PRRC2C: variants seen among roughly 807,000 people sequenced by gnomAD.
PRRC2C encodes the protein proline rich coiled-coil 2C.
A neutral mutation model predicts 317.2 loss-of-function variants in PRRC2C; 72 were observed. That is an observed-to-expected ratio of 0.23 (90% CI 0.19 to 0.28). PRRC2C has a LOEUF of 0.28. PRRC2C is among the 10% of genes least tolerant of loss of function. The pLI is 1.00. For missense variants in PRRC2C, 3,074 were observed against 3,459.7 expected, an observed-to-expected ratio of 0.89 and a Z score of 2.80; for synonymous variants, 1,296 against 1,205.9, an observed-to-expected ratio of 1.07 and a Z score of -1.55.
intron 20 of PRRC2C, among the ~76,000 whole-genome samples, chr1:171,562,187 GATTCC>G (rs1404083705): frequency 1.3e-5 from 2 of 152,216 alleles, no homozygotes; most frequent in African/African-American, 4.8e-5. Context: ...GAGGAAAAGA[GATTCC>G]AGGTTCAGAT....
Position 171,577,594 on chromosome 1 carries a change from G to A in PRRC2C, c.7116G>A (p.Gln2372=), listed in dbSNP as rs1222707658. 3.1e-6 allele frequency: 5 copies of A among 1,613,742 alleles called. No individual in the cohort carries two copies. Among genetic ancestry groups the A allele is most frequent in the Non-Finnish European group, 4.2e-6 (5 of 1,179,816 alleles). ...GCTGTATGCCTTCCCTTATTGCCCA[G>A]CAGCAACAGAATCCGCAAGTTTATG... is the stretch of plus-strand genomic sequence containing the variant. The part of the protein sequence containing the change: ...QLSCMPSLIA[Q]QQQNPQVYVS... Residue 2372 remains glutamine (Q), a synonymous_variant, in exon 26 of 35, where the codon CAG becomes CAA. Coordinates refer to ENST00000647382, the MANE Select transcript of PRRC2C (RefSeq NM_001387844.1).
At chr1:171,528,256 T>G (rs1675041397) in intron 11 of PRRC2C, among the ~76,000 whole-genome samples, 1 of 151,918 alleles carries the variant, frequency 6.6e-6, no homozygotes, top group African/African-American at 2.4e-5. Flanking sequence ...TTGCAGTGTC[T>G]ACCCTATTTC....
At chr1:171,589,645 C>G (rs1650906655) in intron 34 of PRRC2C, 40 bp downstream of exon 34, 1 of 1,234,872 alleles carries the variant, frequency 8.1e-7, no homozygotes, top group Non-Finnish European at 1.1e-6. Flanking sequence ...AAGAATCTGT[C>G]TCTGAACCAT....
intron 18 of PRRC2C, among the ~76,000 whole-genome samples, chr1:171,554,740 T>G (rs1488714031): frequency 2.0e-5 from 3 of 152,248 alleles, no homozygotes; most frequent in Non-Finnish European, 2.9e-5. Context: ...TGGCTGCATA[T>G]GAAATTCTGG....
At chr1:171,524,793 T>G in intron 9 of PRRC2C, 28 bp from the exon 10 acceptor site, 3 of 1,527,050 alleles carry the variant, frequency 2.0e-6, no homozygotes, top group Non-Finnish European at 2.6e-6. Flanking sequence ...TTGGTCCACT[T>G]TATTTCTTCT....
At chr1:171,528,379 C>T (rs1018414645) in intron 11 of PRRC2C, among the ~76,000 whole-genome samples, 3 of 151,674 alleles carry the variant, frequency 2.0e-5, no homozygotes, top group African/African-American at 7.3e-5. Flanking sequence ...ACCTCTGCCT[C>T]CTGGGTTCAC....
At chr1:171,494,107 T>A (rs757533783) in intron 1 of PRRC2C, among the ~76,000 whole-genome samples, 7 of 152,340 alleles carry the variant, frequency 4.6e-5, no homozygotes, top group Non-Finnish European at 8.8e-5. Context: ...TTAACAATTT[T>A]AAAATACATA....
intron 30 of PRRC2C, 59 bp downstream of exon 30, chr1:171,584,585 G>T: frequency 6.7e-7 from 1 of 1,489,550 alleles, no homozygotes; most frequent in Non-Finnish European, 9.0e-7. Flanking sequence ...TATTGCTTTT[G>T]TTATTGTTTG....
Position 171,537,555 on chromosome 1 carries a change from C to T in PRRC2C, c.2504+82C>T. The stretch of plus-strand genomic sequence containing the variant: ...TGTGTAGTGTTTCTGAAGATCATTC[C>T]AATTTAGGACTGAAGCATAAATCTG... On this transcript the variant is annotated intron_variant, in intron 15 of 34. Transcript: ENST00000647382. 6 of 1,193,544 alleles carry T rather than the reference C, an allele frequency of 5.0e-6. No homozygotes were observed. In the South Asian group the frequency reaches 8.8e-5, roughly 17 times the overall value. The allele number at this position is 1,193,544 out of a possible 1,614,324, so 73.9% of individuals were successfully genotyped here. A position where few individuals can be genotyped will look rare whatever the true frequency, so the allele number is the denominator to read the frequency against.
intron 3 of PRRC2C, chr1:171,513,512 G>A (rs1671759836): frequency 2.2e-6 from 1 of 458,198 alleles, no homozygotes; most frequent in Non-Finnish European, 4.3e-6. Context: ...TGATACTAAG[G>A]ATGTCTGTCT....
At chr1:171,548,878 CA>C (rs1208134060) in intron 17 of PRRC2C, among the ~76,000 whole-genome samples, 1 of 152,154 alleles carries the variant, frequency 6.6e-6, no homozygotes, top group Non-Finnish European at 1.5e-5. Flanking sequence ...TTTATTGAGA[CA>C]GGGTCTTGCT....
rs1558044868 is a variant in PRRC2C, at chr1:171,579,969, A to G, written c.7409+5A>G. ...CTCCTCACTTCAACCATATAGGTAA[A>G]TGCTTTAAAAGTTATGTTTGTAATG... On this transcript the variant is annotated splice_donor_5th_base_variant and intron_variant, in intron 28 of 34. Transcript: ENST00000647382. 6.6e-7 allele frequency: 1 copy of G among 1,512,780 alleles called. No homozygotes were observed. Among genetic ancestry groups the G allele is most frequent in the Non-Finnish European group, 8.8e-7 (1 of 1,133,760 alleles). The allele number at this position is 1,512,780 out of a possible 1,614,324, so 93.7% of individuals were successfully genotyped here.
At chr1:171,583,322 A>G (rs1039314341) in intron 28 of PRRC2C, among the ~76,000 whole-genome samples, 5 of 149,672 alleles carry the variant, frequency 3.3e-5, no homozygotes, top group African/African-American at 1.2e-4. Flanking sequence ...TTTTTTTTTA[A>G]CTTTTTAAAC....
Position 171,513,062 on chromosome 1 carries a change from T to G in PRRC2C, c.180T>G (p.Ala60=). The G allele has an allele frequency of 6.2e-7, 1 of 1,613,874 alleles. No homozygotes were observed. Among genetic ancestry groups the G allele is most frequent in the Non-Finnish European group, 8.5e-7 (1 of 1,179,804 alleles). ...VGISRRMPPP[A]NLPSLKAENK... ...TTTCACGGCGTATGCCTCCACCTGC[T>G]AACCTCCCAAGTCTTAAAGCAGAAA... is the stretch of plus-strand genomic sequence containing the variant. The change falls in exon 3 of 35, where the codon GCT becomes GCG. Residue 60 remains alanine, a synonymous_variant. Coordinates refer to ENST00000647382, the MANE Select transcript of PRRC2C (RefSeq NM_001387844.1).
rs778941374 is a variant in PRRC2C, at chr1:171,535,589, C to T, written c.2035C>T (p.Arg679Trp). The T allele has an allele frequency of 3.7e-6, 6 of 1,613,364 alleles. No individual in the cohort carries two copies. The highest frequency in any genetic ancestry group is 2.2e-5 in the South Asian group (2 of 90,956). Residue 679 changes from arginine to tryptophan, a missense_variant, in exon 13 of 35, where the codon CGG (arginine) becomes TGG (tryptophan). This residue lies in a region of PRRC2C where 1,320 missense variants were observed against 1,395.7 expected (regional missense o/e 0.95). Transcript: ENST00000647382. Reference protein sequence around the residue: ...FQKSLPPRFQRQQEQMKQQQW... With the variant: ...FQKSLPPRFQWQQEQMKQQQW... Reference sequence around the variant, plus strand: ...GAAGTCTTTACCTCCACGATTCCAGCGGCAGCAGGTAATGATAAAAATATT... The same window carrying T: ...GAAGTCTTTACCTCCACGATTCCAGTGGCAGCAGGTAATGATAAAAATATT...
intron 11 of PRRC2C, among the ~76,000 whole-genome samples, chr1:171,529,033 T>C (rs145884549): frequency 6.6e-5 from 10 of 152,106 alleles, no homozygotes; most frequent in African/African-American, 2.2e-4. Flanking sequence ...CTAGACAAGA[T>C]ACCACCTTGA....
chr1:171,560,548 A>C (rs1203092523), intron 19 of PRRC2C, among the ~76,000 whole-genome samples: 1 of 152,244 alleles, frequency 6.6e-6, no homozygotes, highest in Non-Finnish European at 1.5e-5. Flanking sequence ...AGCTTTCAGC[A>C]AACACCATCC....
Position 171,519,331 on chromosome 1 carries a change from ATAT to A in PRRC2C, c.750+1521_750+1523del, listed in dbSNP as rs1458010478. On this transcript the variant is annotated intron_variant, in intron 6 of 34. Transcript: ENST00000647382. Reference sequence around the variant, plus strand: ...AAAACTAATTCCTTGATATTCTCAAATATTATGTTAGTATTCCAGTAGTTGTCT... The same window carrying A: ...AAAACTAATTCCTTGATATTCTCAAATATGTTAGTATTCCAGTAGTTGTCT... Among the ~76,000 whole-genome samples the A allele has an allele frequency of 2.6e-5, 4 of 152,326 alleles. No individual in the cohort carries two copies. In the East Asian group the frequency reaches 7.7e-4, roughly 29 times the overall value.
chr1:171,486,530 T>G (rs770119593), intron 1 of PRRC2C, among the ~76,000 whole-genome samples: 1 of 152,022 alleles, frequency 6.6e-6, no homozygotes, highest in Non-Finnish European at 1.5e-5. Flanking sequence ...ATGAGAGGAG[T>G]ACCTTTAATT....
Sources: allele counts gnomAD v4.1 joint callset (sites outside exome capture counted in the v4.1 genomes callset), GRCh38; gene constraint gnomAD v4.1.1; regional missense constraint gnomAD v4.1.1; transcripts MANE v1.5; gene names NCBI Gene and HGNC (gene_info 2026-07-23, HGNC 2026-07-21).